The following SMG6 variants were observed in gnomAD, a reference collection of about 807,000 sequenced individuals.
SMG6 encodes the protein SMG6 nonsense mediated mRNA decay factor.
Under a neutral mutation model 142.2 loss-of-function variants are expected in SMG6, and 66 were observed. The observed-to-expected ratio is 0.46, with a 90% CI of 0.38 to 0.57. The LOEUF (loss-of-function observed/expected upper bound fraction) is 0.57. SMG6 is among the 20% of genes least tolerant of loss of function. The pLI is 0.00. For synonymous variants in SMG6, 779 were observed against 702.4 expected (o/e 1.11, Z -1.72); for missense variants, 1,793 against 1,832.0 (o/e 0.98, Z 0.39).
rs563131520 is a variant in SMG6 at position 2,098,813 on chromosome 17, TAGAGACGG to T, written c.3358-12920_3358-12913del. On this transcript the variant is annotated intron_variant, in intron 13 of 18. Coordinates refer to ENST00000263073, the MANE Select transcript of SMG6 (RefSeq NM_017575.5). Reference sequence around the variant, plus strand: ...GTCCAACTAATTTTTGTATTTTTAATAGAGACGGAGCTTCCCCATGTTGGTCAGGCTGG... The same window carrying T: ...GTCCAACTAATTTTTGTATTTTTAATAGCTTCCCCATGTTGGTCAGGCTGG... Among the ~76,000 whole-genome samples, 761 of 152,244 alleles carry T rather than the reference TAGAGACGG, an allele frequency of 5.0e-3. 6 individuals are homozygous for T. Among genetic ancestry groups the T allele is most frequent in the Non-Finnish European group, 8.5e-3 (581 of 68,020 alleles).
intron 13 of SMG6, among the ~76,000 whole-genome samples, chr17:2,158,695 A>G (rs2071082076): frequency 6.6e-6 from 1 of 152,114 alleles, no homozygotes; most frequent in South Asian, 2.1e-4. Flanking sequence ...AGGCAGGTAG[A>G]TCGCTGGAGA....
intron 11 of SMG6, among the ~76,000 whole-genome samples, chr17:2,187,962 T>C (rs767056203): frequency 6.6e-6 from 1 of 152,096 alleles, no homozygotes; most frequent in Non-Finnish European, 1.5e-5. Context: ...GGGCTAAAAA[T>C]AGCACCTGCT....
Position 2,144,049 on chromosome 17 carries a change from C to CTTTTTT in SMG6, c.3357+28603_3357+28608dup, listed in dbSNP as rs57316349. On this transcript the variant is annotated intron_variant, in intron 13 of 18. Coordinates refer to ENST00000263073, the MANE Select transcript of SMG6 (RefSeq NM_017575.5). ...CTATAAGTGCATGCCACCACGGCCG[C>CTTTTTT]TTTTTTTTTTTTTTTTTTTTTTTTT... 6.1e-5 allele frequency among the ~76,000 whole-genome samples: 4 copies of CTTTTTT among 65,102 alleles called. 1 individual carries two copies. In the East Asian group the frequency reaches 2.2e-3, roughly 36 times the overall value. The allele number at this position is 65,102 out of a possible 152,430, so 42.7% of individuals were successfully genotyped here.
chr17:2,247,352 C>T (rs2073949010), intron 8 of SMG6, among the ~76,000 whole-genome samples: 1 of 152,228 alleles, frequency 6.6e-6, no homozygotes, highest in Non-Finnish European at 1.5e-5. Context: ...CACATTCTCT[C>T]TCTCTTCCTA....
intron 13 of SMG6, among the ~76,000 whole-genome samples, chr17:2,086,761 G>A (rs190060444): frequency 3.9e-5 from 6 of 152,212 alleles, no homozygotes; most frequent in African/African-American, 7.2e-5. Flanking sequence ...CTCCACACCC[G>A]TTTGCTTGGC....
At chr17:2,066,413 T>C (rs1435121911) in intron 16 of SMG6, among the ~76,000 whole-genome samples, 1 of 151,930 alleles carries the variant, frequency 6.6e-6, no homozygotes, top group Non-Finnish European at 1.5e-5. Flanking sequence ...TCCCTATGTG[T>C]CTGGGACATG....
At chr17:2,303,532 G>A (rs1473462190) in intron 1 of SMG6, 101 bp downstream of exon 1, 3 of 1,338,168 alleles carry the variant, frequency 2.2e-6, no homozygotes, top group Non-Finnish European at 2.9e-6. Flanking sequence ...GGGAAGGGGC[G>A]GGGGCTCCGG....
chr17:2,255,349 A>G (rs1393041155), intron 8 of SMG6, among the ~76,000 whole-genome samples: 6 of 137,662 alleles, frequency 4.4e-5, no homozygotes, highest in Admixed American at 3.3e-4. Flanking sequence ...GCTTGCAGTG[A>G]GCCGAGATCG....
rs551642467 is a variant in SMG6, at chr17:2,171,782, T to C, written c.3357+876A>G. 4.0e-5 allele frequency among the ~76,000 whole-genome samples: 6 copies of C among 151,752 alleles called. 1 individual carries two copies. The East Asian group carries it at 1.2e-3, about 29-fold the overall frequency. ...CCCTATGTCCCTAGTATATACTTCA[T>C]GTAGGTCAAAAGACTTCCTCCTGAG... On this transcript the variant is annotated intron_variant, in intron 13 of 18. Coordinates refer to ENST00000263073, the MANE Select transcript of SMG6 (RefSeq NM_017575.5).
At chr17:2,138,458 G>A (rs1411639393) in intron 13 of SMG6, among the ~76,000 whole-genome samples, 1 of 152,104 alleles carries the variant, frequency 6.6e-6, no homozygotes, top group African/African-American at 2.4e-5. Context: ...TGCCCAGCCA[G>A]ACTAAATGAA....
chr17:2,194,157 G>C (rs545629367), intron 10 of SMG6, among the ~76,000 whole-genome samples: 11 of 152,128 alleles, frequency 7.2e-5, no homozygotes, highest in Non-Finnish European at 1.6e-4. Flanking sequence ...ATGCAGGGGG[G>C]ACCACATGTA....
At chr17:2,069,178 C>A (rs969620260) in intron 15 of SMG6, among the ~76,000 whole-genome samples, 1 of 152,112 alleles carries the variant, frequency 6.6e-6, no homozygotes, top group African/African-American at 2.4e-5. Flanking sequence ...GAGAAAGGAT[C>A]CTGAGGATAT....
intron 6 of SMG6, among the ~76,000 whole-genome samples, chr17:2,288,572 A>G (rs1233131170): frequency 3.3e-5 from 5 of 150,976 alleles, no homozygotes; most frequent in African/African-American, 9.8e-5. Context: ...CAGTGAGCCA[A>G]GATTAGGCCA....
intron 13 of SMG6, among the ~76,000 whole-genome samples, chr17:2,153,306 C>T (rs989234201): frequency 2.0e-5 from 3 of 152,088 alleles, no homozygotes; most frequent in African/African-American, 7.2e-5. Context: ...TTTATTTATA[C>T]GTCATTCTGG....
chr17:2,236,699 TCTCACACACACACACA>T (rs2073666808), intron 9 of SMG6, 62 bp from the exon 10 acceptor site: 43 of 1,460,790 alleles, frequency 2.9e-5, no homozygotes, highest in African/African-American at 7.5e-5. Flanking sequence ...TCTCACTCTG[TCTCACACACACACACA>T]CACACACACA....
In SMG6 at chr17:2,137,262, G is replaced by C. The variant is rs370045060; in HGVS notation, c.3357+35396C>G. Among the ~76,000 whole-genome samples, 6 of 152,192 alleles carry C rather than the reference G, an allele frequency of 3.9e-5. No homozygotes were observed. In the East Asian group the frequency reaches 1.2e-3, roughly 29 times the overall value. On this transcript the variant is annotated intron_variant, in intron 13 of 18. Coordinates refer to ENST00000263073, the MANE Select transcript of SMG6 (RefSeq NM_017575.5). Reference sequence around the variant, plus strand: ...GTTACTACTACCACACTAATAGGTAGACAGGAGAAAAGCAACTCTCCAGAA... The same window carrying C: ...GTTACTACTACCACACTAATAGGTACACAGGAGAAAAGCAACTCTCCAGAA...
At chr17:2,137,527 G>A (rs1216886875) in intron 13 of SMG6, among the ~76,000 whole-genome samples, 3 of 151,924 alleles carry the variant, frequency 2.0e-5, no homozygotes, top group Non-Finnish European at 2.9e-5. Flanking sequence ...ACATGCAAAT[G>A]GGCTTACTCA....
chr17:2,279,678 T>C (rs1327840891), intron 8 of SMG6, among the ~76,000 whole-genome samples: 2 of 152,050 alleles, frequency 1.3e-5, no homozygotes, highest in African/African-American at 2.4e-5. Flanking sequence ...CTCAACAGTA[T>C]CCACCTCCTA....
At chr17:2,297,563 AAC>A (rs113462824) in intron 3 of SMG6, among the ~76,000 whole-genome samples, 27 of 150,546 alleles carry the variant, frequency 1.8e-4, no homozygotes, top group Middle Eastern at 3.5e-3. Flanking sequence ...TGAACACATG[AAC>A]ACACACACAC....
Sources: gnomAD v4.1 joint callset for allele counts (sites outside exome capture counted in the v4.1 genomes callset) on GRCh38, gnomAD v4.1.1 for gene constraint, MANE v1.5 for transcripts, NCBI Gene and HGNC (gene_info 2026-07-23, HGNC 2026-07-21) for gene names.